Variants in TUSC3 observed in about 807,000 individuals in gnomAD.
TUSC3 encodes tumor suppressor candidate 3, also known as dolichyl-diphosphooligosaccharide--protein glycosyltransferase subunit TUSC3.
TUSC3 carries 45 observed loss-of-function variants against 44.8 expected under a neutral mutation model. That is an observed-to-expected ratio of 1.00 (90% CI 0.79 to 1.29). The LOEUF is 1.29. Among genes scored for constraint, TUSC3 ranks in the 50% most tolerant of loss-of-function variants. The pLI is 0.00. For missense variants in TUSC3, 519 were observed against 437.9 expected, an observed-to-expected ratio of 1.19 and a Z score of -1.65; for synonymous variants, 212 against 152.9, an observed-to-expected ratio of 1.39 and a Z score of -2.85.
intron 2 of TUSC3, among the ~76,000 whole-genome samples, chr8:15,627,705 C>T (rs966491238): frequency 1.3e-5 from 2 of 152,238 alleles, no homozygotes; most frequent in African/African-American, 4.8e-5. Flanking sequence ...TGCTTGCAGT[C>T]CACCTGCAGC....
intron 1 of TUSC3, among the ~76,000 whole-genome samples, chr8:15,608,299 GT>G (rs570683632): frequency 2.7e-5 from 4 of 150,464 alleles, no homozygotes; most frequent in Admixed American, 1.3e-4. Context: ...GAATTCCTTA[GT>G]TTTTTTTTGC....
chr8:15,698,129 T>C (rs1018370945), intron 6 of TUSC3, among the ~76,000 whole-genome samples: 1 of 152,182 alleles, frequency 6.6e-6, no homozygotes, highest in Non-Finnish European at 1.5e-5. Context: ...AAAATACTAT[T>C]GAAGTTTATA....
rs73524559 is a variant in TUSC3 at position 15,599,991 on chromosome 8, C to T, written c.139-23089C>T. ...TTTGAATTTTCTGCAAGACAGTCAA[C>T]GCCATCTGCAAACAAAGACAGTTTT... On this transcript the variant is annotated intron_variant, in intron 1 of 10. Transcript: ENST00000503731. Among the ~76,000 whole-genome samples, 444 of 151,796 alleles carry T rather than the reference C, an allele frequency of 2.9e-3. 1 individual carries two copies. Among genetic ancestry groups the T allele is most frequent in the African/African-American group, 9.8e-3 (408 of 41,488 alleles).
intron 2 of TUSC3, among the ~76,000 whole-genome samples, chr8:15,497,841 T>C (rs575462002): frequency 2.0e-5 from 3 of 151,816 alleles, no homozygotes; most frequent in African/African-American, 7.3e-5. Flanking sequence ...GCCTCCCGGG[T>C]TCAAGTGATT....
At chr8:15,706,491 A>G (rs1326571887) in intron 6 of TUSC3, among the ~76,000 whole-genome samples, 4 of 152,014 alleles carry the variant, frequency 2.6e-5, no homozygotes, top group South Asian at 2.1e-4. Flanking sequence ...TGACTTTGCT[A>G]TTATCATTCA....
chr8:15,456,603 C>G lies in TUSC3; in HGVS notation n.92-26783C>G, dbSNP rs140943747. On this transcript the variant is annotated intron_variant and non_coding_transcript_variant, in intron 1 of 5. Coordinates refer to the TUSC3 transcript ENST00000503191. Reference sequence around the variant, plus strand: ...TAGAAAGCCTAGAAATATTCATTCACTTATGGAACTTTGATGTAGACAGAG... The same window carrying G: ...TAGAAAGCCTAGAAATATTCATTCAGTTATGGAACTTTGATGTAGACAGAG... 5.2e-3 allele frequency among the ~76,000 whole-genome samples: 790 copies of G among 152,128 alleles called. 3 individuals carry two copies. The highest frequency in any genetic ancestry group is 0.018 in the African/African-American group (735 of 41,498).
At chr8:15,757,401 G>C (rs1345503) in intron 9 of TUSC3, among the ~76,000 whole-genome samples, 4,333 of 152,198 alleles carry the variant, frequency 0.028, 185 homozygotes, top group African/African-American at 0.097. Flanking sequence ...TAGTGAACAA[G>C]TACAGCAAGG....
chr8:15,490,925 C>A (rs1480702384), intron 2 of TUSC3, among the ~76,000 whole-genome samples: 1 of 152,112 alleles, frequency 6.6e-6, no homozygotes, highest in Admixed American at 6.5e-5. Context: ...ACAAAACTAT[C>A]AGAAAAAATT....
intron 1 of TUSC3, among the ~76,000 whole-genome samples, chr8:15,585,327 C>T (rs751641168): frequency 1.9e-4 from 29 of 152,128 alleles, no homozygotes; most frequent in Non-Finnish European, 3.5e-4. Flanking sequence ...TACAGTCTCA[C>T]CAATGCACCA....
chr8:15,686,582 G>T (rs1338525590), intron 6 of TUSC3, among the ~76,000 whole-genome samples: 1 of 151,562 alleles, frequency 6.6e-6, no homozygotes, highest in Non-Finnish European at 1.5e-5. Flanking sequence ...GCACATGCTA[G>T]GTCTTTGAGA....
chr8:15,645,963 T>G (rs1363552721), intron 2 of TUSC3, among the ~76,000 whole-genome samples: 2 of 152,138 alleles, frequency 1.3e-5, no homozygotes, highest in African/African-American at 4.8e-5. Context: ...ATATAGTGGC[T>G]GGCTATGAAA....
At chr8:15,682,098 C>T (rs1161827168) in intron 6 of TUSC3, among the ~76,000 whole-genome samples, 4 of 151,986 alleles carry the variant, frequency 2.6e-5, no homozygotes, top group Admixed American at 6.6e-5. Context: ...GATTGATCTT[C>T]GAGTATGTTT....
intron 1 of TUSC3, among the ~76,000 whole-genome samples, chr8:15,577,926 C>G (rs191242584): frequency 5.7e-4 from 86 of 150,772 alleles, no homozygotes; most frequent in Non-Finnish European, 2.7e-4. Context: ...TTTTATGATA[C>G]TGATTCTTCC....
intron 1 of TUSC3, among the ~76,000 whole-genome samples, chr8:15,614,570 T>G (rs1313501004): frequency 6.6e-6 from 1 of 152,174 alleles, no homozygotes; most frequent in Admixed American, 6.6e-5. Context: ...TCTGGCTTCT[T>G]TCAGTGAATA....
intron 1 of TUSC3, among the ~76,000 whole-genome samples, chr8:15,554,579 T>C (rs983366391): frequency 6.6e-6 from 1 of 150,624 alleles, no homozygotes; most frequent in Non-Finnish European, 1.5e-5. Flanking sequence ...CAAGGACTGT[T>C]GACTTTTGCA....
the TUSC3 span, among the ~76,000 whole-genome samples, chr8:15,847,235 G>T: frequency 6.6e-6 from 1 of 152,118 alleles, no homozygotes; most frequent in Non-Finnish European, 1.5e-5. Flanking sequence ...TGAGACAGAA[G>T]AAAGAACAGG....
the TUSC3 span, among the ~76,000 whole-genome samples, chr8:15,833,774 C>G: frequency 4.0e-5 from 6 of 151,388 alleles, no homozygotes; most frequent in Admixed American, 3.3e-4. Context: ...ACAATCTGTA[C>G]AACAAACCCC....
At chr8:15,762,738 T>C (rs1053842555) in intron 10 of TUSC3, among the ~76,000 whole-genome samples, 1 of 152,088 alleles carries the variant, frequency 6.6e-6, no homozygotes, top group Non-Finnish European at 1.5e-5. Context: ...AGCAAGCTGA[T>C]GATGGCTTGT....
At chr8:15,474,586 A>G (rs1318869097) in intron 1 of TUSC3, among the ~76,000 whole-genome samples, 2 of 152,156 alleles carry the variant, frequency 1.3e-5, no homozygotes, top group Non-Finnish European at 2.9e-5. Context: ...GAAAAGCCAC[A>G]TGCATCCTGG....
Sources: allele counts gnomAD v4.1 joint callset (sites outside exome capture counted in the v4.1 genomes callset), GRCh38; gene constraint gnomAD v4.1.1; transcripts MANE v1.5; gene names NCBI Gene and HGNC (gene_info 2026-07-23, HGNC 2026-07-21).